Variants in NMU observed in about 807,000 individuals in gnomAD.
The protein encoded by NMU is neuromedin U.
NMU carries 29 observed loss-of-function variants against 35.4 expected under a neutral mutation model. The observed-to-expected ratio is 0.82, with a 90% CI of 0.61 to 1.12. NMU has a LOEUF of 1.12. Among genes scored for constraint, NMU ranks in the 50% most tolerant of loss-of-function variants. The pLI, the probability that NMU is intolerant of heterozygous loss-of-function variation, is 0.00. For missense variants in NMU, 199 were observed against 206.2 expected, an observed-to-expected ratio of 0.97 and a Z score of 0.21; for synonymous variants, 78 against 81.3, an observed-to-expected ratio of 0.96 and a Z score of 0.22.
intron 3 of NMU, among the ~76,000 whole-genome samples, chr4:55,611,935 A>C (rs1327244712): frequency 6.6e-6 from 1 of 152,216 alleles, no homozygotes; most frequent in East Asian, 1.9e-4. Context: ...CAGAGGAAGT[A>C]AGGTTCTAAG....
chr4:55,626,033 G>C (rs1443124601), intron 2 of NMU, among the ~76,000 whole-genome samples: 4 of 152,168 alleles, frequency 2.6e-5, no homozygotes, highest in African/African-American at 9.6e-5. Flanking sequence ...ACCCAGGAGA[G>C]GGAATGCTGG....
At chr4:55,607,266 A>G in intron 6 of NMU, 32 bp downstream of exon 6, 1 of 1,471,088 alleles carries the variant, frequency 6.8e-7, no homozygotes, top group East Asian at 2.3e-5. Context: ...AACAAATATT[A>G]GTGATTACTA....
At chr4:55,595,563 T>TATATATATATATATATATAC (rs755203914) in intron 9 of NMU, among the ~76,000 whole-genome samples, 152 bp from the exon 10 acceptor site, 4 of 120,054 alleles carry the variant, frequency 3.3e-5, no homozygotes, top group African/African-American at 9.1e-5. Context: ...TATATATATA[T>TATATATATATATATATATAC]ACACACACAC....
intron 2 of NMU, among the ~76,000 whole-genome samples, chr4:55,625,709 G>A (rs1174010580): frequency 1.3e-5 from 2 of 151,932 alleles, no homozygotes; most frequent in Non-Finnish European, 2.9e-5. Context: ...GTGTATTTGA[G>A]GCATATCCTC....
chr4:55,617,349 T>C (rs928069255), intron 2 of NMU, among the ~76,000 whole-genome samples: 1 of 152,130 alleles, frequency 6.6e-6, no homozygotes, highest in Non-Finnish European at 1.5e-5. Flanking sequence ...AAGCATAAGC[T>C]TATGTCTCCT....
At chr4:55,628,652 C>T (rs923985812) in intron 2 of NMU, among the ~76,000 whole-genome samples, 4 of 152,030 alleles carry the variant, frequency 2.6e-5, no homozygotes, top group East Asian at 3.9e-4. Flanking sequence ...GCACCATGCC[C>T]GGATAATTTT....
chr4:55,632,325 T>C (rs757980538), intron 1 of NMU, among the ~76,000 whole-genome samples: 22 of 152,186 alleles, frequency 1.4e-4, no homozygotes, highest in Non-Finnish European at 2.9e-4. Flanking sequence ...TGCCTTGAAT[T>C]CATACAAGTT....
At chr4:55,619,221 G>T (rs1384846921) in intron 2 of NMU, among the ~76,000 whole-genome samples, 2 of 150,900 alleles carry the variant, frequency 1.3e-5, no homozygotes, top group Non-Finnish European at 2.9e-5. Context: ...CGACGCAGAA[G>T]ACGGGTGATT....
At chr4:55,629,667 T>A (rs1168450971) in intron 2 of NMU, among the ~76,000 whole-genome samples, 1 of 151,500 alleles carries the variant, frequency 6.6e-6, no homozygotes, top group Non-Finnish European at 1.5e-5. Context: ...ATCCTCCCAT[T>A]TCAGCCTCCC....
At chr4:55,619,309 CACCTTGCGCGA>C (rs1345946306) in intron 2 of NMU, among the ~76,000 whole-genome samples, 1 of 143,952 alleles carries the variant, frequency 6.9e-6, no homozygotes, top group East Asian at 2.1e-4. Flanking sequence ...TGGGTGCGCG[CACCTTGCGCGA>C]GCCGAAGCAG....
intron 2 of NMU, among the ~76,000 whole-genome samples, chr4:55,617,561 G>A (rs543619419): frequency 6.6e-6 from 1 of 151,958 alleles, no homozygotes; most frequent in East Asian, 1.9e-4. Context: ...CCGTGTTATC[G>A]CTAAATTGCC....
chr4:55,612,629 CAT>C (rs1262055682), intron 3 of NMU, among the ~76,000 whole-genome samples: 7 of 152,292 alleles, frequency 4.6e-5, no homozygotes, highest in South Asian at 2.1e-4. Flanking sequence ...TAAATTCACA[CAT>C]GAGTTGTTTC....
intron 4 of NMU, among the ~76,000 whole-genome samples, chr4:55,608,558 T>C (rs1733797948): frequency 6.6e-6 from 1 of 152,182 alleles, no homozygotes; most frequent in Admixed American, 6.5e-5. Context: ...TTAAAATAAG[T>C]TCATCCATAA....
intron 3 of NMU, among the ~76,000 whole-genome samples, chr4:55,611,882 T>C (rs1357392299): frequency 3.3e-5 from 5 of 152,228 alleles, no homozygotes; most frequent in Admixed American, 6.5e-5. Flanking sequence ...ATACGTAATT[T>C]GTATTCTGTC....
At chr4:55,608,573 G>C (rs967670597) in intron 4 of NMU, among the ~76,000 whole-genome samples, 4 of 152,266 alleles carry the variant, frequency 2.6e-5, no homozygotes, top group East Asian at 1.9e-4. Flanking sequence ...CCATAAGATA[G>C]AGATTATAAA....
At chr4:55,627,613 ATACT>A in intron 2 of NMU, among the ~76,000 whole-genome samples, 1 of 152,288 alleles carries the variant, frequency 6.6e-6, no homozygotes, top group African/African-American at 2.4e-5. Context: ...TAATTTCTAA[ATACT>A]TACAGATTTT....
chr4:55,632,119 A>G (rs1292141154), intron 1 of NMU, among the ~76,000 whole-genome samples: 4 of 152,112 alleles, frequency 2.6e-5, no homozygotes, highest in Admixed American at 2.6e-4. Flanking sequence ...AGGACACAAA[A>G]CATAGAGTAA....
At chr4:55,616,488 C>T (rs1377229354) in intron 2 of NMU, 103 bp from the exon 3 acceptor site, 4 of 884,212 alleles carry the variant, frequency 4.5e-6, no homozygotes, top group African/African-American at 3.3e-5. Context: ...AACCACAGTT[C>T]CATGATAGTT....
chr4:55,636,370 G>C, upstream of NMU: 1 of 960,252 alleles, frequency 1.0e-6, no homozygotes. The surrounding 1 kb of genome is among the most constrained non-coding windows in gnomAD (Gnocchi z 4.0). Context: ...CCCGCCGCGC[G>C]TCACCTCGCC....
Sources: gnomAD v4.1 joint callset for allele counts (sites outside exome capture counted in the v4.1 genomes callset) on GRCh38, gnomAD v4.1.1 for gene constraint, Gnocchi (gnomAD v3.1) non-coding constraint, MANE v1.5 for transcripts, NCBI Gene and HGNC (gene_info 2026-07-23, HGNC 2026-07-21) for gene names.